GOLM2: variants seen among roughly 807,000 people sequenced by gnomAD.
The protein encoded by GOLM2 is protein GOLM2.
In GOLM2, 26 loss-of-function variants were observed where a neutral mutation model predicts 55.9. The observed-to-expected ratio is 0.47, with a 90% CI of 0.34 to 0.65. GOLM2 has a LOEUF of 0.65. GOLM2 is among the 30% of genes least tolerant of loss of function. The pLI is 0.01. For missense variants in GOLM2, 486 were observed against 531.8 expected (o/e 0.91, Z 0.85); for synonymous variants, 165 against 194.6 (o/e 0.85, Z 1.27).
intron 6 of GOLM2, among the ~76,000 whole-genome samples, chr15:44,351,235 T>A (rs983597183): frequency 6.6e-6 from 1 of 151,974 alleles, no homozygotes; most frequent in African/African-American, 2.4e-5. Flanking sequence ...CTTTAAGCAC[T>A]GCTATTTAAC....
rs377372225 is a variant in GOLM2, at chr15:44,294,597, C to T, written c.327+5241C>T. Reference sequence around the variant, plus strand: ...GGTATGGTGGTGCGCACCTGTAGTCCCAGCTACTTGGGAGGCTGAGGCAGG... The same window carrying T: ...GGTATGGTGGTGCGCACCTGTAGTCTCAGCTACTTGGGAGGCTGAGGCAGG... On this transcript the variant is annotated intron_variant, in intron 1 of 9. Transcript: ENST00000299957. 5.0e-3 allele frequency among the ~76,000 whole-genome samples: 756 copies of T among 151,834 alleles called. 6 individuals are homozygous for T. The highest frequency in any genetic ancestry group is 0.017 in the African/African-American group (716 of 41,378).
intron 8 of GOLM2, among the ~76,000 whole-genome samples, chr15:44,402,333 A>G (rs2079570916): frequency 6.6e-6 from 1 of 151,946 alleles, no homozygotes; most frequent in Admixed American, 6.6e-5. Context: ...TGGAAATCCA[A>G]AATGCACACC....
chr15:44,373,256 G>C (rs893221027), intron 6 of GOLM2, among the ~76,000 whole-genome samples: 3 of 152,002 alleles, frequency 2.0e-5, no homozygotes, highest in Admixed American at 2.0e-4. Context: ...AGGAGATGGA[G>C]ACCATCCTGG....
At chr15:44,365,073 A>T (rs900945874) in intron 6 of GOLM2, among the ~76,000 whole-genome samples, 2 of 152,230 alleles carry the variant, frequency 1.3e-5, no homozygotes, top group Non-Finnish European at 2.9e-5. Flanking sequence ...GTATCCACAC[A>T]GTAGCCTGCA....
chr15:44,402,698 T>C lies in GOLM2; in HGVS notation c.1073-189T>C, dbSNP rs536775480. The stretch of plus-strand genomic sequence containing the variant: ...ACAAAAGAGAAATTCTTAATAAAAA[T>C]TACATATTTTCAGAGTCTTCCCTCT... On this transcript the variant is annotated intron_variant, in intron 8 of 9. Transcript: ENST00000299957. The C allele has an allele frequency of 2.0e-5, 9 of 451,044 alleles. No individual in the cohort carries two copies. In the South Asian group the frequency reaches 4.1e-4, roughly 20 times the overall value. 27.9% of individuals were successfully genotyped at this position (451,044 alleles called of 1,614,324 possible). A position where few individuals can be genotyped will look rare whatever the true frequency, so the allele number is the denominator to read the frequency against.
In GOLM2 at chr15:44,380,980, A is replaced by G; in HGVS notation, c.1072+4A>G. The G allele has an allele frequency of 6.5e-7, 1 of 1,540,330 alleles. No homozygotes were observed. The highest frequency in any genetic ancestry group is 1.4e-5 in the African/African-American group (1 of 72,724). On this transcript the variant is annotated splice_donor_region_variant and intron_variant, in intron 8 of 9. Coordinates refer to ENST00000299957, the MANE Select transcript of GOLM2 (RefSeq NM_138423.4). ...GATTTCCATAAATTGAAGCAAAGTAAGAATCAATTGATGAATATTATGCTA... is the reference window on the plus strand; with the variant it reads ...GATTTCCATAAATTGAAGCAAAGTAGGAATCAATTGATGAATATTATGCTA...
At chr15:44,403,153 G>A (rs759673404) in intron 9 of GOLM2, 99 bp downstream of exon 9, 12 of 1,381,236 alleles carry the variant, frequency 8.7e-6, no homozygotes, top group South Asian at 1.2e-5. Context: ...TAGTGGCAGT[G>A]TAACCTAAAT....
intron 6 of GOLM2, among the ~76,000 whole-genome samples, chr15:44,370,235 C>T (rs988137035): frequency 6.6e-6 from 1 of 152,208 alleles, no homozygotes; most frequent in Admixed American, 6.5e-5. Flanking sequence ...AAGTATCTTT[C>T]AGTCCAGTGA....
intron 6 of GOLM2, among the ~76,000 whole-genome samples, chr15:44,360,634 G>A (rs1172140460): frequency 6.6e-6 from 1 of 152,074 alleles, no homozygotes; most frequent in Non-Finnish European, 1.5e-5. Flanking sequence ...GTCAACATTA[G>A]ACAGATCAAC....
intron 6 of GOLM2, among the ~76,000 whole-genome samples, chr15:44,338,675 G>A (rs1225987132): frequency 6.6e-6 from 1 of 152,134 alleles, no homozygotes; most frequent in East Asian, 1.9e-4. Flanking sequence ...TTCCTGTGTT[G>A]TTGGTGTGCT....
chr15:44,378,117 C>T (rs1049841946), intron 6 of GOLM2, among the ~76,000 whole-genome samples: 4 of 151,152 alleles, frequency 2.6e-5, no homozygotes, highest in Admixed American at 6.6e-5. Context: ...GGTGTGACCT[C>T]GGCTCACTGC....
intron 1 of GOLM2, among the ~76,000 whole-genome samples, chr15:44,296,871 T>C (rs557575253): frequency 1.3e-5 from 2 of 152,322 alleles, no homozygotes; most frequent in Admixed American, 1.3e-4. Context: ...GTAATTTGAG[T>C]ATCAACCTTC....
chr15:44,359,386 G>C (rs917698666), intron 6 of GOLM2, among the ~76,000 whole-genome samples: 9 of 152,048 alleles, frequency 5.9e-5, no homozygotes, highest in African/African-American at 2.2e-4. Context: ...AGGAGATCGA[G>C]ACCATCCTGG....
chr15:44,317,877 G>A (rs1252255572), intron 1 of GOLM2, among the ~76,000 whole-genome samples: 1 of 152,090 alleles, frequency 6.6e-6, no homozygotes, highest in African/African-American at 2.4e-5. Context: ...AGAAATCTAA[G>A]CATCATACTT....
chr15:44,355,661 A>G, intron 6 of GOLM2: 1 of 222,776 alleles, frequency 4.5e-6, no homozygotes, highest in Non-Finnish European at 9.2e-6. Context: ...GGGGTGGTGG[A>G]CCTCATGGTC....
chr15:44,334,836 C>G (rs1484233668), intron 4 of GOLM2, among the ~76,000 whole-genome samples: 2 of 152,082 alleles, frequency 1.3e-5, no homozygotes, highest in East Asian at 3.9e-4. Flanking sequence ...TCGAGACCAA[C>G]CTGGCCAACA....
rs1452423841 is a variant in GOLM2, at chr15:44,289,472, G to A, written c.327+116G>A. On this transcript the variant is annotated intron_variant, in intron 1 of 9. Transcript: ENST00000299957. This position sits in a 1 kb window ranked among gnomAD's most constrained non-coding sequence, Gnocchi z 4.8. ...GCCTTCCAGTATTTCAGTCCTGAAG[G>A]CTCCTTTCACCCCCAACAACCCTGT... 10 of 957,040 alleles carry A rather than the reference G, an allele frequency of 1.0e-5. No individual in the cohort carries two copies. Among genetic ancestry groups the A allele is most frequent in the Non-Finnish European group, 1.5e-5 (10 of 655,568 alleles). 59.3% of individuals were successfully genotyped at this position (957,040 alleles called of 1,614,324 possible).
At chr15:44,355,610 A>C (rs2079192762) in intron 6 of GOLM2, 1 of 194,394 alleles carries the variant, frequency 5.1e-6, no homozygotes, top group Non-Finnish European at 1.1e-5. Flanking sequence ...CATTTTGTGA[A>C]GTTAATTTCC....
At chr15:44,357,541 T>A (rs1434256131) in intron 6 of GOLM2, among the ~76,000 whole-genome samples, 1 of 152,148 alleles carries the variant, frequency 6.6e-6, no homozygotes, top group African/African-American at 2.4e-5. Flanking sequence ...ATACTGGAAG[T>A]CTTAGCTAGT....
Sources: gnomAD v4.1 joint callset for allele counts (sites outside exome capture counted in the v4.1 genomes callset) on GRCh38, gnomAD v4.1.1 for gene constraint, Gnocchi (gnomAD v3.1) non-coding constraint, MANE v1.5 for transcripts, NCBI Gene and HGNC (gene_info 2026-07-23, HGNC 2026-07-21) for gene names.